Variants in THSD4 observed in about 807,000 individuals in gnomAD.
The protein encoded by THSD4 is thrombospondin type 1 domain containing 4, also known as thrombospondin type-1 domain-containing protein 4.
In THSD4, 69 loss-of-function variants were observed where a neutral mutation model predicts 119.0. The observed-to-expected ratio is 0.58, with a 90% CI of 0.48 to 0.71. The LOEUF (loss-of-function observed/expected upper bound fraction) is 0.71. THSD4 is among the 30% of genes least tolerant of loss of function. The pLI, the probability that THSD4 is intolerant of heterozygous loss-of-function variation, is 0.00. For synonymous variants in THSD4, 524 were observed against 540.4 expected (o/e 0.97, Z 0.42); for missense variants, 1,393 against 1,391.1 (o/e 1.00, Z -0.02).
intron 7 of THSD4, among the ~76,000 whole-genome samples, chr15:71,594,116 C>T (rs1289585252): frequency 6.6e-6 from 1 of 151,956 alleles, no homozygotes; most frequent in Non-Finnish European, 1.5e-5. Context: ...TTTTCCTGCC[C>T]GGTCCCTCTC....
At chr15:71,649,090 C>G (rs1161971858) in intron 7 of THSD4, among the ~76,000 whole-genome samples, 2 of 152,006 alleles carry the variant, frequency 1.3e-5, no homozygotes, top group African/African-American at 4.8e-5. Flanking sequence ...TCTTTAAATC[C>G]CAGCAAGTGC....
chr15:71,123,291 G>C (rs2040423136), intron 1 of THSD4, among the ~76,000 whole-genome samples: 1 of 152,220 alleles, frequency 6.6e-6, no homozygotes, highest in African/African-American at 2.4e-5. Flanking sequence ...CCCCTACTGT[G>C]CATCAGGTGG....
chr15:71,144,881 C>T (rs929425576), intron 2 of THSD4, among the ~76,000 whole-genome samples: 1 of 152,132 alleles, frequency 6.6e-6, no homozygotes, highest in Non-Finnish European at 1.5e-5. Flanking sequence ...AATGAAAGTC[C>T]ATGTGGACCA....
At chr15:71,601,505 T>C (rs1455234252) in intron 7 of THSD4, among the ~76,000 whole-genome samples, 2 of 152,244 alleles carry the variant, frequency 1.3e-5, no homozygotes, top group Non-Finnish European at 2.9e-5. Flanking sequence ...GCCAAGACTC[T>C]GCTCCTGTTG....
chr15:71,277,070 A>G (rs1210343359), intron 6 of THSD4, among the ~76,000 whole-genome samples: 1 of 151,506 alleles, frequency 6.6e-6, no homozygotes, highest in Non-Finnish European at 1.5e-5. Context: ...GGCCGTATCC[A>G]CTGCAGAATA....
At chr15:71,365,247 TTGCA>T (rs916195549) in intron 6 of THSD4, among the ~76,000 whole-genome samples, 4 of 151,314 alleles carry the variant, frequency 2.6e-5, no homozygotes, top group African/African-American at 9.7e-5. Flanking sequence ...CTAAAGGACT[TTGCA>T]TGAGGATTTC....
intron 7 of THSD4, among the ~76,000 whole-genome samples, chr15:71,447,313 G>GTT (rs2047199203): frequency 6.6e-6 from 1 of 151,924 alleles, no homozygotes; most frequent in East Asian, 1.9e-4. Context: ...TAGAGACAGG[G>GTT]TTTCACCATG....
Position 71,215,283 on chromosome 15 carries a change from G to T in THSD4, c.348G>T (p.Arg116=). 1.3e-6 allele frequency: 2 copies of T among 1,521,496 alleles called. No individual in the cohort carries two copies. The highest frequency in any genetic ancestry group is 1.8e-6 in the Non-Finnish European group (2 of 1,140,616). The allele number at this position is 1,521,496 out of a possible 1,614,324, so 94.2% of individuals were successfully genotyped here. A position where few individuals can be genotyped will look rare whatever the true frequency, so the allele number is the denominator to read the frequency against. The change falls in exon 4 of 18, where the codon CGG becomes CGT. Residue 116 remains arginine, a synonymous_variant. Coordinates refer to ENST00000261862, the MANE Select transcript of THSD4 (RefSeq NM_024817.3). ...TGCGCACGTCGGTGCCACTGCACCG[G>T]AGCCGCGACGAGACGCCAGCGCTGG... The part of the protein sequence containing the change: ...SAVRTSVPLH[R]SRDETPALAG...
At chr15:71,119,655 G>A (rs949567921) in intron 1 of THSD4, among the ~76,000 whole-genome samples, 1 of 152,168 alleles carries the variant, frequency 6.6e-6, no homozygotes, top group African/African-American at 2.4e-5. Flanking sequence ...ATTTCTTTTG[G>A]GACCTGAGCG....
At chr15:71,321,742 G>T (rs2045271996) in intron 6 of THSD4, among the ~76,000 whole-genome samples, 1 of 152,090 alleles carries the variant, frequency 6.6e-6, no homozygotes, top group South Asian at 2.1e-4. Context: ...TTAAAATGCT[G>T]TAACATCAGA....
intron 5 of THSD4, among the ~76,000 whole-genome samples, chr15:71,246,897 T>TC (rs1642566476): frequency 6.6e-6 from 1 of 150,620 alleles, no homozygotes; most frequent in Non-Finnish European, 1.5e-5. Context: ...TTTTTTTTTT[T>TC]TTTTTTTTTT....
At chr15:71,447,293 G>A (rs2047198782) in intron 7 of THSD4, among the ~76,000 whole-genome samples, 2 of 151,688 alleles carry the variant, frequency 1.3e-5, no homozygotes, top group African/African-American at 4.8e-5. Flanking sequence ...GCTAATTTTT[G>A]TATTTTTAGT....
intron 7 of THSD4, among the ~76,000 whole-genome samples, chr15:71,434,633 A>T (rs562500234): frequency 6.6e-6 from 1 of 151,936 alleles, no homozygotes; most frequent in African/African-American, 2.4e-5. Flanking sequence ...AGTTTTAGTT[A>T]CCAGGGGTTT....
At chr15:71,693,808 C>T (rs7171656) in intron 8 of THSD4, among the ~76,000 whole-genome samples, 1 of 152,072 alleles carries the variant, frequency 6.6e-6, no homozygotes, top group South Asian at 2.1e-4. Context: ...CCTACTCTCT[C>T]GCCTGCCACC....
In THSD4 at chr15:71,527,141, G is replaced by A. The variant is rs180968469; in HGVS notation, c.1152+115318G>A. On this transcript the variant is annotated intron_variant, in intron 7 of 17. Transcript: ENST00000261862. Reference sequence around the variant, plus strand: ...TTTTTGCCCTTCTGCCTTTCACCATGTAAGGACACAGCAACAAGGCGCCAC... The same window carrying A: ...TTTTTGCCCTTCTGCCTTTCACCATATAAGGACACAGCAACAAGGCGCCAC... 2.4e-3 allele frequency among the ~76,000 whole-genome samples: 368 copies of A among 152,168 alleles called. 1 individual carries two copies. The highest frequency in any genetic ancestry group is 4.6e-3 in the Non-Finnish European group (312 of 67,988).
At position 71,182,598 on chromosome 15, in the gene THSD4, A is replaced by G. The variant is rs549158536; in HGVS notation, c.99+27666A>G. Among the ~76,000 whole-genome samples, 95 of 151,938 alleles carry G rather than the reference A, an allele frequency of 6.3e-4. 1 individual carries two copies. Among genetic ancestry groups the G allele is most frequent in the Non-Finnish European group, 1.3e-3 (91 of 67,910 alleles). On this transcript the variant is annotated intron_variant, in intron 3 of 17. Transcript: ENST00000261862. The stretch of plus-strand genomic sequence containing the variant: ...ATAACTTCTAAATTCCCACTATGTT[A>G]TGTTTCCAGGCCACATTACAGTTAA...
intron 1 of THSD4, among the ~76,000 whole-genome samples, chr15:71,124,674 A>T (rs2141356019): frequency 6.6e-6 from 1 of 152,328 alleles, no homozygotes; most frequent in South Asian, 2.1e-4. Flanking sequence ...AAAAATTTTA[A>T]ATCATATTAT....
At chr15:71,474,214 CTATTT>C (rs895583719) in intron 7 of THSD4, among the ~76,000 whole-genome samples, 23 of 145,146 alleles carry the variant, frequency 1.6e-4, no homozygotes, top group African/African-American at 5.5e-4. Context: ...TGGCATCTTG[CTATTT>C]TATTTTATTT....
intron 8 of THSD4, among the ~76,000 whole-genome samples, chr15:71,681,810 C>G (rs2051787121): frequency 6.6e-6 from 1 of 151,996 alleles, no homozygotes; most frequent in Admixed American, 6.5e-5. Context: ...TGAGGTGGTA[C>G]CAAGATGTTC....
Sources: gnomAD v4.1 joint callset for allele counts (sites outside exome capture counted in the v4.1 genomes callset) on GRCh38, gnomAD v4.1.1 for gene constraint, MANE v1.5 for transcripts, NCBI Gene and HGNC (gene_info 2026-07-23, HGNC 2026-07-21) for gene names.